The following ZIC4 variants were observed in gnomAD, a reference collection of about 807,000 sequenced individuals.
The protein encoded by ZIC4 is zinc finger protein ZIC 4.
ZIC4 carries 15 observed loss-of-function variants against 28.8 expected under a neutral mutation model. That is an observed-to-expected ratio of 0.52 (90% CI 0.35 to 0.80). The LOEUF (loss-of-function observed/expected upper bound fraction) is 0.80. ZIC4 is among the 30% of genes least tolerant of loss of function. The probability of loss-of-function intolerance (pLI) is 0.01; values close to 1 mark genes in which losing one functional copy is unlikely to be tolerated. For missense variants in ZIC4, 512 were observed against 467.1 expected (o/e 1.10, Z -0.89); for synonymous variants, 220 against 198.1 (o/e 1.11, Z -0.93).
Position 147,402,820 on chromosome 3 carries a change from G to A in ZIC4, c.-15-8C>T. The A allele has an allele frequency of 6.2e-7, 1 of 1,612,632 alleles. No homozygotes were observed. The highest frequency in any genetic ancestry group is 8.5e-7 in the Non-Finnish European group (1 of 1,179,344). Reference sequence around the variant, plus strand: ...CATTTTCTGACTTTGAGCCTGTTTGGGAAGAAAAGAGTGACAGTCACTAGT... The same window carrying A: ...CATTTTCTGACTTTGAGCCTGTTTGAGAAGAAAAGAGTGACAGTCACTAGT... On this transcript the variant is annotated splice_region_variant and splice_polypyrimidine_tract_variant and intron_variant, in intron 1 of 4. Transcript: ENST00000383075.
In ZIC4 at chr3:147,396,511, G is replaced by C; in HGVS notation, c.71-42C>G. The C allele has an allele frequency of 6.7e-7, 1 of 1,492,162 alleles. No individual in the cohort carries two copies. The highest frequency in any genetic ancestry group is 1.4e-5 in the South Asian group (1 of 72,838). 92.4% of individuals were successfully genotyped at this position (1,492,162 alleles called of 1,614,324 possible). A position where few individuals can be genotyped will look rare whatever the true frequency, so the allele number is the denominator to read the frequency against. On this transcript the variant is annotated intron_variant, in intron 2 of 4. Transcript: ENST00000383075. The surrounding 1 kb of genome is among the most constrained non-coding windows in gnomAD (Gnocchi z 4.2). ...TAGCGCGCATGAGAACGGGTGGCGT[G>C]GGCTGCGCGCTCTTCCCTGGGCCCC...
Position 147,395,952 on chromosome 3 carries a change from G to A in ZIC4, c.588C>T (p.Arg196=). 3 of 1,614,236 alleles carry A rather than the reference G, an allele frequency of 1.9e-6. No individual in the cohort carries two copies. Among genetic ancestry groups the A allele is most frequent in the Non-Finnish European group, 1.7e-6 (2 of 1,180,050 alleles). The change falls in exon 3 of 5, where the codon CGC becomes CGT. Residue 196 remains arginine, a synonymous_variant. Transcript: ENST00000383075. Reference sequence around the variant, plus strand: ...GGAAGGGCTTCTCGCCCGTGTGCACGCGGATGTGATTTACAAGTTTGTATT... The same window carrying A: ...GGAAGGGCTTCTCGCCCGTGTGCACACGGATGTGATTTACAAGTTTGTATT... ...KAKYKLVNHI[R]VHTGEKPFPC...
chr3:147,394,021 T>G, intron 3 of ZIC4: 1 of 454,134 alleles, frequency 2.2e-6, no homozygotes, highest in Non-Finnish European at 4.4e-6. Context: ...ACGCCATTAA[T>G]ATTTGAAAAG....
chr3:147,392,296 G>A (rs994101743), intron 3 of ZIC4: 277 of 985,700 alleles, frequency 2.8e-4, no homozygotes, highest in Non-Finnish European at 3.2e-4. Context: ...AGGGCCACCA[G>A]GCGGCTGGCA....
rs541168366 is a variant in ZIC4, at chr3:147,405,655, A to G, written c.-16+708T>C. 11 of 683,878 alleles carry G rather than the reference A, an allele frequency of 1.6e-5. No individual in the cohort carries two copies. In the Admixed American group the frequency reaches 2.3e-4, roughly 14 times the overall value. 42.4% of individuals were successfully genotyped at this position (683,878 alleles called of 1,614,324 possible). On this transcript the variant is annotated intron_variant, in intron 1 of 4. Transcript: ENST00000383075. ...GCTGCTCTTGTTCGCATTGGAGATA[A>G]AGAAAGCCAAGTCCCGAACCCACTG... is the stretch of plus-strand genomic sequence containing the variant.
At chr3:147,391,911 C>T (rs2086930408) in intron 3 of ZIC4, 1 of 942,502 alleles carries the variant, frequency 1.1e-6, no homozygotes. Flanking sequence ...ATGGAGCCCC[C>T]TCCCTCTTTC....
chr3:147,388,891 T>C (rs2086849271), intron 4 of ZIC4, 32 bp from the exon 5 acceptor site: 2 of 778,992 alleles, frequency 2.6e-6, no homozygotes, highest in Non-Finnish European at 4.8e-6. Flanking sequence ...TTAAAGGCGA[T>C]TAGTGGCCGA....
Position 147,391,026 on chromosome 3 carries a change from C to T in ZIC4, c.909G>A (p.Pro303=), listed in dbSNP as rs2086904146. Residue 303 remains proline (P), a synonymous_variant, in exon 4 of 5, where the codon CCG becomes CCA. Coordinates refer to ENST00000383075, the MANE Select transcript of ZIC4 (RefSeq NM_032153.6). ...CCGACGAGGGCGACACGAGGGCAGA[C>T]GGTGTAGCCGAATCGTAGCCAGAGC... The part of the protein sequence containing the change: ...PPSSGYDSAT[P]SALVSPSSDC... 5 of 1,613,672 alleles carry T rather than the reference C, an allele frequency of 3.1e-6. No individual in the cohort carries two copies. The highest frequency in any genetic ancestry group is 4.5e-5 in the East Asian group (2 of 44,884).
intron 1 of ZIC4, 86 bp from the exon 2 acceptor site, chr3:147,402,898 T>C: frequency 9.1e-7 from 1 of 1,103,166 alleles, no homozygotes; most frequent in Non-Finnish European, 1.3e-6. Context: ...AATGTATGAA[T>C]GAAAGAAGGA....
At chr3:147,392,412 G>C (rs2086946386) in intron 3 of ZIC4, 1 of 985,500 alleles carries the variant, frequency 1.0e-6, no homozygotes, top group Non-Finnish European at 1.2e-6. Context: ...AGCCCCAATC[G>C]GGGAGCTCAC....
rs762947769 is a variant in ZIC4 at position 147,391,060 on chromosome 3, G to T, written c.875C>A (p.Pro292Gln). The T allele has an allele frequency of 1.9e-6, 3 of 1,613,884 alleles. No individual in the cohort carries two copies. The highest frequency in any genetic ancestry group is 2.5e-6 in the Non-Finnish European group (3 of 1,180,032). The part of the protein sequence containing the change: ...RKHMKVHGRS[P>Q]PPSSGYDSAT... ...CGAATCGTAGCCAGAGCTGGGCGGC[G>T]GCGAGCGCCCGTGCACCTTCATGTG... Residue 292 changes from proline to glutamine, a missense_variant, in exon 4 of 5, where the codon CCG (proline) becomes CAG (glutamine). Transcript: ENST00000383075.
intron 1 of ZIC4, chr3:147,404,338 A>G: frequency 1.6e-6 from 2 of 1,279,084 alleles, no homozygotes. Context: ...ATGCAAACAA[A>G]TATTGCAGAG....
chr3:147,386,221 A>C lies in ZIC4; in HGVS notation c.*2638T>G, dbSNP rs1296487751. The C allele has an allele frequency of 6.6e-6, 1 of 152,248 alleles. No individual in the cohort carries two copies. The highest frequency in any genetic ancestry group is 1.5e-5 in the Non-Finnish European group (1 of 68,042). The allele number at this position is 152,248 out of a possible 1,614,324, so 9.4% of individuals were successfully genotyped here. On this transcript the variant is annotated 3_prime_UTR_variant, in exon 5 of 5. Coordinates refer to ENST00000383075, the MANE Select transcript of ZIC4 (RefSeq NM_032153.6). ...CAACTTTGTTGTTCATTCAACAATC[A>C]CTTTCAGTCAAACAACTTTTATTTT...
In ZIC4 at chr3:147,396,189, G is replaced by C. The variant is rs747552676; in HGVS notation, c.351C>G (p.Phe117Leu). The C allele has an allele frequency of 6.2e-7, 1 of 1,614,136 alleles. No individual in the cohort carries two copies. Among genetic ancestry groups the C allele is most frequent in the Non-Finnish European group, 8.5e-7 (1 of 1,180,022 alleles). ...LAAPHGPGAF[F>L]RYMRQPIKQE... Reference sequence around the variant, plus strand: ...GTTTGATGGGCTGGCGCATGTAGCGGAAGAAAGCGCCAGGACCGTGGGGCG... The same window carrying C: ...GTTTGATGGGCTGGCGCATGTAGCGCAAGAAAGCGCCAGGACCGTGGGGCG... The change falls in exon 3 of 5, where the codon TTC becomes TTG. Residue 117 changes from phenylalanine to leucine, a missense_variant. Coordinates refer to ENST00000383075, the MANE Select transcript of ZIC4 (RefSeq NM_032153.6). This position sits in a 1 kb window ranked among gnomAD's most constrained non-coding sequence, Gnocchi z 4.2.
chr3:147,393,883 G>T (rs1372847805), intron 3 of ZIC4: 2 of 456,460 alleles, frequency 4.4e-6, no homozygotes, highest in Admixed American at 2.3e-5. Context: ...CGCTGTGACC[G>T]CCACAAAGTG....
chr3:147,403,283 G>A (rs1431828433), intron 1 of ZIC4, among the ~76,000 whole-genome samples: 3 of 152,144 alleles, frequency 2.0e-5, no homozygotes, highest in Non-Finnish European at 2.9e-5. Flanking sequence ...CAAGAGGAGA[G>A]GAATTTCTTT....
At chr3:147,403,384 C>G (rs922726500) in intron 1 of ZIC4, among the ~76,000 whole-genome samples, 2 of 152,070 alleles carry the variant, frequency 1.3e-5, no homozygotes, top group South Asian at 4.1e-4. Flanking sequence ...GATTCATCAC[C>G]GGTTGACTTT....
chr3:147,392,304 G>A (rs1576456371), intron 3 of ZIC4: 3 of 985,716 alleles, frequency 3.0e-6, no homozygotes, highest in East Asian at 2.3e-4. Flanking sequence ...CAGGCGGCTG[G>A]CATAGGCCGG....
At chr3:147,405,084 C>G (rs1414469968) in intron 1 of ZIC4, among the ~76,000 whole-genome samples, 1 of 152,268 alleles carries the variant, frequency 6.6e-6, no homozygotes, top group Admixed American at 6.5e-5. Context: ...ATTCGACCCT[C>G]AAGCGCCAGG....
Sources: allele counts gnomAD v4.1 joint callset (sites outside exome capture counted in the v4.1 genomes callset), GRCh38; gene constraint gnomAD v4.1.1; non-coding constraint Gnocchi (gnomAD v3.1); transcripts MANE v1.5; gene names NCBI Gene and HGNC (gene_info 2026-07-23, HGNC 2026-07-21).